The following TACC2 variants were observed in gnomAD, a reference collection of about 807,000 sequenced individuals.
TACC2 encodes the protein transforming acidic coiled-coil containing protein 2, also known as transforming acidic coiled-coil-containing protein 2.
Under a neutral mutation model 227.3 loss-of-function variants are expected in TACC2, and 137 were observed. The ratio of observed to expected loss-of-function variants is 0.60; its 90% CI spans 0.52 to 0.69. TACC2 has a LOEUF of 0.69. Among genes scored for constraint, TACC2 ranks in the 30% least tolerant of loss-of-function variants. The pLI is 0.00. For synonymous variants in TACC2, 1,523 were observed against 1,487.5 expected (o/e 1.02, Z -0.55); for missense variants, 3,470 against 3,694.4 (o/e 0.94, Z 1.57).
chr10:122,174,663 T>TTA (rs2093625517), intron 7 of TACC2, among the ~76,000 whole-genome samples: 1 of 152,190 alleles, frequency 6.6e-6, no homozygotes, highest in Admixed American at 6.5e-5. Flanking sequence ...AATTAATGTA[T>TTA]TACCTCCCCT....
At chr10:122,162,397 A>G (rs1470047617) in intron 7 of TACC2, among the ~76,000 whole-genome samples, 1 of 152,226 alleles carries the variant, frequency 6.6e-6, no homozygotes, top group African/African-American at 2.4e-5. Context: ...TTTTGGCCAC[A>G]GTTTAGATAC....
intron 5 of TACC2, among the ~76,000 whole-genome samples, chr10:122,123,944 G>C (rs1249111859): frequency 6.6e-6 from 1 of 151,516 alleles, no homozygotes; most frequent in Non-Finnish European, 1.5e-5. Context: ...CTCCAGAGTA[G>C]CTGGGATTAC....
At chr10:122,060,163 A>T (rs2076638044) in intron 3 of TACC2, among the ~76,000 whole-genome samples, 1 of 152,224 alleles carries the variant, frequency 6.6e-6, no homozygotes, top group African/African-American at 2.4e-5. Flanking sequence ...CCATTGAGGC[A>T]GTGAGAGATG....
intron 16 of TACC2, 50 bp from the exon 17 acceptor site, chr10:122,237,345 C>T (rs746628583): frequency 1.4e-5 from 21 of 1,549,184 alleles, no homozygotes; most frequent in South Asian, 3.6e-5. Flanking sequence ...TCCTCTTTGT[C>T]GTATGATTAA....
rs536123107 is a variant in TACC2 at position 122,108,421 on chromosome 10, T to C, written c.5573+19830T>C. Among the ~76,000 whole-genome samples, 10 of 150,506 alleles carry C rather than the reference T, an allele frequency of 6.6e-5. No homozygotes were observed. In the South Asian group the frequency reaches 1.7e-3, roughly 25 times the overall value. ...CTCTCTATGTGTGTGTGTGTATATA[T>C]ATATGTGTATGTCATATTTTCTTTT... On this transcript the variant is annotated intron_variant, in intron 5 of 22. Coordinates refer to ENST00000369005, the MANE Select transcript of TACC2 (RefSeq NM_206862.4).
At position 122,099,870 on chromosome 10, in the gene TACC2, G is replaced by A. The variant is rs928671750; in HGVS notation, c.5573+11279G>A. On this transcript the variant is annotated intron_variant, in intron 5 of 22. Transcript: ENST00000369005. ...TACCAGGCTTCTGTTGAAGTGTTGT[G>A]TATACCTCTCATTTAGTTCATATTT... Among the ~76,000 whole-genome samples, 3 of 152,330 alleles carry A rather than the reference G, an allele frequency of 2.0e-5. No individual in the cohort carries two copies. In the East Asian group the frequency reaches 5.8e-4, roughly 29 times the overall value.
chr10:122,251,949 C>G (rs567344329), intron 22 of TACC2, among the ~76,000 whole-genome samples: 2 of 152,178 alleles, frequency 1.3e-5, no homozygotes, highest in Non-Finnish European at 2.9e-5. Flanking sequence ...ATAGTCCCAT[C>G]TTAAAGAGAT....
intron 1 of TACC2, among the ~76,000 whole-genome samples, chr10:122,011,504 A>G (rs767398444): frequency 1.3e-5 from 2 of 151,704 alleles, no homozygotes; most frequent in Non-Finnish European, 2.9e-5. Context: ...TAATTTTTGT[A>G]TTTTCAGTAG....
intron 3 of TACC2, among the ~76,000 whole-genome samples, chr10:122,069,914 T>G (rs2077846072): frequency 6.6e-6 from 1 of 152,196 alleles, no homozygotes; most frequent in South Asian, 2.1e-4. Context: ...TTGACAGTGG[T>G]TAATCTTCCC....
At chr10:122,149,488 C>G (rs1039810840) in intron 7 of TACC2, among the ~76,000 whole-genome samples, 2 of 152,128 alleles carry the variant, frequency 1.3e-5, no homozygotes, top group African/African-American at 4.8e-5. Flanking sequence ...GTGAGGTGCC[C>G]CCACACTCCC....
chr10:122,067,624 A>G (rs1688328742), intron 3 of TACC2, among the ~76,000 whole-genome samples: 1 of 150,640 alleles, frequency 6.6e-6, no homozygotes, highest in Non-Finnish European at 1.5e-5. Flanking sequence ...CTCCTGCCTC[A>G]GCCCCCCAAG....
intron 11 of TACC2, among the ~76,000 whole-genome samples, chr10:122,220,419 C>T (rs957829980): frequency 6.6e-6 from 1 of 152,144 alleles, no homozygotes; most frequent in African/African-American, 2.4e-5. Context: ...AATAAAAAAT[C>T]CATTAATGTG....
At chr10:122,201,907 C>T (rs985329985) in intron 8 of TACC2, among the ~76,000 whole-genome samples, 1 of 152,088 alleles carries the variant, frequency 6.6e-6, no homozygotes, top group Non-Finnish European at 1.5e-5. Flanking sequence ...CGATTAGTGG[C>T]AAAGCCAAGG....
chr10:122,113,169 C>G (rs2083952379), intron 5 of TACC2: 1 of 152,216 alleles, frequency 6.6e-6, no homozygotes, highest in East Asian at 1.9e-4. Flanking sequence ...CCCCCGGGCT[C>G]TTTGGCAGTT....
At chr10:122,227,759 T>G in intron 13 of TACC2, 78 bp from the exon 14 acceptor site, 2 of 1,469,526 alleles carry the variant, frequency 1.4e-6, no homozygotes, top group Non-Finnish European at 1.9e-6. Flanking sequence ...TGATATTGAC[T>G]TGGTCAGGGC....
At chr10:122,153,777 C>T (rs1232186083) in intron 7 of TACC2, among the ~76,000 whole-genome samples, 2 of 152,162 alleles carry the variant, frequency 1.3e-5, no homozygotes, top group Admixed American at 6.5e-5. Context: ...GATGAGAAAA[C>T]GGAAGCACAG....
intron 5 of TACC2, among the ~76,000 whole-genome samples, chr10:122,105,808 A>T (rs938328340): frequency 1.3e-5 from 2 of 150,620 alleles, no homozygotes; most frequent in Non-Finnish European, 3.0e-5. Flanking sequence ...TTTTTAGTAG[A>T]GATGGGGTTT....
At chr10:122,155,712 A>G (rs530317636) in intron 7 of TACC2, among the ~76,000 whole-genome samples, 6 of 152,284 alleles carry the variant, frequency 3.9e-5, no homozygotes, top group African/African-American at 1.4e-4. Flanking sequence ...TCTTAAACAC[A>G]GTTTATAAAG....
chr10:122,086,997 T>A lies in TACC2; in HGVS notation c.4497T>A (p.Gly1499=). The change falls in exon 4 of 23, where the codon GGT becomes GGA. Residue 1499 remains glycine, a synonymous_variant. Transcript: ENST00000369005. ...ATCCAGCTTCAGACAAGCTTCTGGG[T>A]CCAGCAGGGCTGACCTGGGAGCGGA... ...LQDPASDKLL[G]PAGLTWERNL... The A allele has an allele frequency of 6.2e-7, 1 of 1,613,880 alleles. No individual in the cohort carries two copies. The highest frequency in any genetic ancestry group is 1.6e-4 in the Middle Eastern group (1 of 6,062).
Sources: allele counts gnomAD v4.1 joint callset (sites outside exome capture counted in the v4.1 genomes callset), GRCh38; gene constraint gnomAD v4.1.1; transcripts MANE v1.5; gene names NCBI Gene and HGNC (gene_info 2026-07-23, HGNC 2026-07-21).